The following CARD19 variants were observed in gnomAD, a reference collection of about 807,000 sequenced individuals.
The protein encoded by CARD19 is caspase recruitment domain family member 19, also known as caspase recruitment domain-containing protein 19.
Under a neutral mutation model 24.1 loss-of-function variants are expected in CARD19, and 25 were observed. The observed-to-expected ratio is 1.04, with a 90% CI of 0.76 to 1.45. The LOEUF is 1.45. Among genes scored for constraint, CARD19 ranks in the 40% most tolerant of loss-of-function variants. The pLI, the probability that CARD19 is intolerant of heterozygous loss-of-function variation, is 0.00. For missense variants in CARD19, 241 were observed against 247.4 expected (o/e 0.97, Z 0.17); for synonymous variants, 103 against 104.9 (o/e 0.98, Z 0.11).
rs12003264 is a variant in CARD19 at position 93,113,165 on chromosome 9, C to T, written c.*58C>T. 218,491 of 1,101,030 alleles carry T rather than the reference C, an allele frequency of 0.2. 24,290 individuals carry two copies. The highest frequency in any genetic ancestry group is 0.23 in the Non-Finnish European group (180,191 of 772,228). 68.2% of individuals were successfully genotyped at this position (1,101,030 alleles called of 1,614,324 possible). On this transcript the variant is annotated 3_prime_UTR_variant, in exon 6 of 6. Coordinates refer to ENST00000375464, the MANE Select transcript of CARD19 (RefSeq NM_032310.5). ...CAACCAAAGAGTCCTCGAGCCGGCCCGCCAAGGGGACTGCTGCTTCTTTTT... is the reference window on the plus strand; with the variant it reads ...CAACCAAAGAGTCCTCGAGCCGGCCTGCCAAGGGGACTGCTGCTTCTTTTT...
chr9:93,104,789 C>T, intron 1 of CARD19, among the ~76,000 whole-genome samples: 1 of 152,116 alleles, frequency 6.6e-6, no homozygotes, highest in East Asian at 1.9e-4. Context: ...CTGTAAAGTT[C>T]ATGGTAATGT....
chr9:93,096,328 G>A lies in CARD19; in HGVS notation c.-18G>A. 6 of 1,225,792 alleles carry A rather than the reference G, an allele frequency of 4.9e-6. No homozygotes were observed. The highest frequency in any genetic ancestry group is 5.1e-6 in the Non-Finnish European group (5 of 983,980). The allele number at this position is 1,225,792 out of a possible 1,614,324, so 75.9% of individuals were successfully genotyped here. ...GGGCAGACCGCTGGGGACTGCGGGCGGCGCTGTGTCCGTCGCCATGACAGG... is the reference window on the plus strand; with the variant it reads ...GGGCAGACCGCTGGGGACTGCGGGCAGCGCTGTGTCCGTCGCCATGACAGG... On this transcript the variant is annotated 5_prime_UTR_variant, in exon 1 of 6. Transcript: ENST00000375464. The surrounding 1 kb of genome is among the most constrained non-coding windows in gnomAD (Gnocchi z 5.4).
At chr9:93,107,003 A>G (rs1827287523) in intron 1 of CARD19, among the ~76,000 whole-genome samples, 1 of 152,082 alleles carries the variant, frequency 6.6e-6, no homozygotes, top group Admixed American at 6.6e-5. Flanking sequence ...TTCTGGAAAA[A>G]AAAAAGGCAA....
intron 1 of CARD19, among the ~76,000 whole-genome samples, chr9:93,105,161 GGTGTGTGTGTGTGTGTGCACGCGC>G (rs1406410931): frequency 2.7e-5 from 4 of 146,262 alleles, no homozygotes; most frequent in Admixed American, 2.1e-4. Flanking sequence ...CGCGGTGTAA[GGTGTGTGTGTGTGTGTGCACGCGC>G]GTGTGTGTGT....
intron 3 of CARD19, chr9:93,111,347 C>T (rs1827476680): frequency 2.7e-6 from 3 of 1,117,252 alleles, no homozygotes; most frequent in South Asian, 2.1e-5. Flanking sequence ...TTGAAGATGG[C>T]AACTCTGATC....
chr9:93,096,413 G>C lies in CARD19; in HGVS notation c.7+61G>C, dbSNP rs1587628666. 9 of 1,217,472 alleles carry C rather than the reference G, an allele frequency of 7.4e-6. No individual in the cohort carries two copies. The East Asian group carries it at 2.9e-4, about 39-fold the overall frequency. 75.4% of individuals were successfully genotyped at this position (1,217,472 alleles called of 1,614,324 possible). ...GCGCCCTGGATGGGTGGCCCGGCCC[G>C]GGGGTCCGGCTGCCTTGCGAGTCGC... On this transcript the variant is annotated intron_variant, in intron 1 of 5. Transcript: ENST00000375464. The surrounding 1 kb of genome is among the most constrained non-coding windows in gnomAD (Gnocchi z 5.4).
chr9:93,107,872 G>A (rs1827325471), intron 2 of CARD19, 56 bp downstream of exon 2: 2 of 1,608,228 alleles, frequency 1.2e-6, no homozygotes, highest in South Asian at 1.1e-5. Flanking sequence ...CTTCCTTTCT[G>A]GGCTGGGAGA....
chr9:93,106,241 T>C lies in CARD19; in HGVS notation c.8-1433T>C, dbSNP rs78481368. ...GTCTTTTGTAGACAGCACTTAGTTG[T>C]ATCATATTTTAAAAATCCACTCTGC... On this transcript the variant is annotated intron_variant, in intron 1 of 5. Transcript: ENST00000375464. Among the ~76,000 whole-genome samples the C allele has an allele frequency of 9.1e-3, 1,383 of 151,788 alleles. 20 individuals are homozygous for C. The highest frequency in any genetic ancestry group is 0.032 in the African/African-American group (1,308 of 41,438).
chr9:93,097,220 C>T (rs535937994), intron 1 of CARD19, among the ~76,000 whole-genome samples: 1 of 152,070 alleles, frequency 6.6e-6, no homozygotes, highest in East Asian at 1.9e-4. Context: ...GGCTCAGGGG[C>T]TCAGGGTAGC....
At chr9:93,099,996 G>T (rs1827018628) in intron 1 of CARD19, among the ~76,000 whole-genome samples, 1 of 152,202 alleles carries the variant, frequency 6.6e-6, no homozygotes. Flanking sequence ...GTGAATGCCA[G>T]CCCGCACCCC....
At chr9:93,105,197 CGTGTGT>C (rs56089144) in intron 1 of CARD19, among the ~76,000 whole-genome samples, 77,395 of 150,292 alleles carry the variant, frequency 0.51, 23,365 homozygotes, top group Admixed American at 0.67. Flanking sequence ...TGTGTGTGTG[CGTGTGT>C]GTGTGTGTGT....
At chr9:93,110,872 G>A (rs1199588643) in intron 3 of CARD19, 151 bp downstream of exon 3, 1 of 1,533,314 alleles carries the variant, frequency 6.5e-7, no homozygotes, top group East Asian at 2.4e-5. Context: ...CCTCCCCAGA[G>A]GCCACCCTCT....
intron 1 of CARD19, 105 bp from the exon 2 acceptor site, chr9:93,107,569 C>T (rs1364451367): frequency 2.9e-6 from 4 of 1,367,684 alleles, no homozygotes; most frequent in Non-Finnish European, 3.0e-6. Flanking sequence ...CTGGTGGGAA[C>T]CCACCTTGGG....
rs1411413304 is a variant in CARD19 at position 93,107,822 on chromosome 9, G to A, written c.150+6G>A. On this transcript the variant is annotated splice_donor_region_variant and intron_variant, in intron 2 of 5. Transcript: ENST00000375464. ...CCAACAAGGAGGCGGAAAAGGTGCT[G>A]AGGAGGTGAGGGGGGTACCCGAGAC... The A allele has an allele frequency of 1.9e-6, 3 of 1,614,082 alleles. No individual in the cohort carries two copies. Among genetic ancestry groups the A allele is most frequent in the Non-Finnish European group, 2.5e-6 (3 of 1,180,040 alleles).
At position 93,112,249 on chromosome 9, in the gene CARD19, T is replaced by C; in HGVS notation, c.396T>C (p.Leu132=). ...TGAGCTTCCTGGCTGGCCTGGGCCT[T>C]GCTGTGGGACTGGCCCTGCTCCTGT... The part of the protein sequence containing the change: ...GPMSFLAGLG[L]AVGLALLLYC... Residue 132 remains leucine (L), a synonymous_variant, in exon 5 of 6, where the codon CTT becomes CTC. Transcript: ENST00000375464. 1 of 1,545,188 alleles carries C rather than the reference T, an allele frequency of 6.5e-7. No individual in the cohort carries two copies. Among genetic ancestry groups the C allele is most frequent in the Non-Finnish European group, 8.7e-7 (1 of 1,147,026 alleles).
At chr9:93,098,908 T>TTTC (rs1281392276) in intron 1 of CARD19, among the ~76,000 whole-genome samples, 2 of 149,296 alleles carry the variant, frequency 1.3e-5, no homozygotes, top group African/African-American at 5.0e-5. Flanking sequence ...CTCTTTTTTT[T>TTTC]TTTTTTTTTT....
intron 1 of CARD19, among the ~76,000 whole-genome samples, chr9:93,099,834 G>A (rs1465527591): frequency 6.6e-6 from 1 of 152,226 alleles, no homozygotes; most frequent in Non-Finnish European, 1.5e-5. Context: ...CTCCCTGCGC[G>A]GCCCACGGTG....
In CARD19 at chr9:93,113,193, A is replaced by G; in HGVS notation, c.*86A>G. The G allele has an allele frequency of 1.3e-6, 1 of 750,224 alleles. No homozygotes were observed. Among genetic ancestry groups the G allele is most frequent in the East Asian group, 2.8e-5 (1 of 35,420 alleles). The allele number at this position is 750,224 out of a possible 1,614,324, so 46.5% of individuals were successfully genotyped here. A position where few individuals can be genotyped will look rare whatever the true frequency, so the allele number is the denominator to read the frequency against. ...CAAGGGGACTGCTGCTTCTTTTTCT[A>G]AATGCATATTTTTCATTATTTATAA... On this transcript the variant is annotated 3_prime_UTR_variant, in exon 6 of 6. Coordinates refer to ENST00000375464, the MANE Select transcript of CARD19 (RefSeq NM_032310.5).
At chr9:93,103,331 G>A (rs1414674296) in intron 1 of CARD19, among the ~76,000 whole-genome samples, 5 of 152,084 alleles carry the variant, frequency 3.3e-5, no homozygotes, top group African/African-American at 1.2e-4. Flanking sequence ...ATAATCTGAG[G>A]ATGTTCAAAT....
Sources: gnomAD v4.1 joint callset for allele counts (sites outside exome capture counted in the v4.1 genomes callset) on GRCh38, gnomAD v4.1.1 for gene constraint, Gnocchi (gnomAD v3.1) non-coding constraint, MANE v1.5 for transcripts, NCBI Gene and HGNC (gene_info 2026-07-23, HGNC 2026-07-21) for gene names.